Variants in UNC13C observed in about 807,000 individuals in gnomAD.
The protein encoded by UNC13C is protein unc-13 homolog C.
A neutral mutation model predicts 245.4 loss-of-function variants in UNC13C; 174 were observed. The observed-to-expected ratio is 0.71, with a 90% CI of 0.63 to 0.80. The LOEUF is 0.80. Among genes scored for constraint, UNC13C ranks in the 30% least tolerant of loss-of-function variants. UNC13C has a pLI of 0.00. For synonymous variants in UNC13C, 992 were observed against 895.1 expected, an observed-to-expected ratio of 1.11 and a Z score of -1.93; for missense variants, 2,829 against 2,602.9, an observed-to-expected ratio of 1.09 and a Z score of -1.89.
At chr15:54,595,599 G>A (rs979592068) in intron 30 of UNC13C, among the ~76,000 whole-genome samples, 1 of 152,160 alleles carries the variant, frequency 6.6e-6, no homozygotes, top group Admixed American at 6.5e-5. Context: ...TGATCCATAA[G>A]TAGATTCTTA....
At chr15:54,344,020 A>C (rs1350329350) in intron 17 of UNC13C, among the ~76,000 whole-genome samples, 2 of 152,228 alleles carry the variant, frequency 1.3e-5, no homozygotes, top group Non-Finnish European at 2.9e-5. Flanking sequence ...ATCATATATC[A>C]AAAATGAAAA....
At position 54,628,468 on chromosome 15, in the gene UNC13C, A is replaced by AAATC. The variant is rs542174377; in HGVS notation, c.*1357_*1360dup. On this transcript the variant is annotated 3_prime_UTR_variant, in exon 33 of 33. Transcript: ENST00000260323. ...CAGAACCATTCTGCAACTGAGTATGAAATCACAGACCAGTGAGGTGAGCTA... is the reference window on the plus strand; with the variant it reads ...CAGAACCATTCTGCAACTGAGTATGAAATCAATCACAGACCAGTGAGGTGAGCTA... 13 of 152,714 alleles carry AAATC rather than the reference A, an allele frequency of 8.5e-5. No homozygotes were observed. Among genetic ancestry groups the AAATC allele is most frequent in the African/African-American group, 2.9e-4 (12 of 41,574 alleles). 9.5% of individuals were successfully genotyped at this position (152,714 alleles called of 1,614,324 possible).
At chr15:54,008,062 G>T (rs1368253797) in intron 1 of UNC13C, among the ~76,000 whole-genome samples, 1 of 152,170 alleles carries the variant, frequency 6.6e-6, no homozygotes, top group African/African-American at 2.4e-5. Flanking sequence ...ATCTGAAAAT[G>T]CTTTAACTTA....
the UNC13C span, among the ~76,000 whole-genome samples, chr15:53,859,883 G>T: frequency 6.6e-6 from 1 of 152,088 alleles, no homozygotes; most frequent in Non-Finnish European, 1.5e-5. Flanking sequence ...AACGGTTTTG[G>T]ACTATGTGTT....
chr15:54,360,837 A>G (rs183056084), intron 17 of UNC13C, among the ~76,000 whole-genome samples: 6 of 152,204 alleles, frequency 3.9e-5, no homozygotes, highest in Non-Finnish European at 7.4e-5. Flanking sequence ...TGAAAGGTGT[A>G]TTGGGGCTGT....
chr15:54,164,487 TA>T (rs915297918), intron 4 of UNC13C, among the ~76,000 whole-genome samples: 18 of 152,056 alleles, frequency 1.2e-4, no homozygotes, highest in Non-Finnish European at 2.2e-4. Flanking sequence ...TATAAATAAG[TA>T]AAAAAATCTA....
chr15:53,984,703 C>T (rs1284192311), intron 1 of UNC13C, among the ~76,000 whole-genome samples: 1 of 152,012 alleles, frequency 6.6e-6, no homozygotes, highest in African/African-American at 2.4e-5. Flanking sequence ...TTGAAATGTA[C>T]ATGTTATTAG....
chr15:54,312,446 G>A (rs1475246626), intron 13 of UNC13C, among the ~76,000 whole-genome samples: 1 of 151,662 alleles, frequency 6.6e-6, no homozygotes, highest in Non-Finnish European at 1.5e-5. Context: ...GCTTCTATTG[G>A]TGAGTTTTCT....
intron 19 of UNC13C, 49 bp from the exon 20 acceptor site, chr15:54,494,559 A>G (rs750532959): frequency 2.0e-6 from 3 of 1,485,324 alleles, no homozygotes; most frequent in African/African-American, 1.4e-5. Flanking sequence ...ACATAGCAGC[A>G]TTGTTGGCAA....
At chr15:54,348,236 G>T (rs904562013) in intron 17 of UNC13C, among the ~76,000 whole-genome samples, 1 of 152,050 alleles carries the variant, frequency 6.6e-6, no homozygotes, top group Non-Finnish European at 1.5e-5. Flanking sequence ...ATTCGGTATG[G>T]TCTCTTAAAG....
At chr15:53,953,512 A>C in the UNC13C span, among the ~76,000 whole-genome samples, 1 of 152,222 alleles carries the variant, frequency 6.6e-6, no homozygotes, top group Non-Finnish European at 1.5e-5. Context: ...TTACAAGAGG[A>C]GCAAAATAGA....
At chr15:53,866,483 A>G in the UNC13C span, among the ~76,000 whole-genome samples, 1 of 152,222 alleles carries the variant, frequency 6.6e-6, no homozygotes, top group Non-Finnish European at 1.5e-5. Flanking sequence ...TACCAACTAT[A>G]CATTTATACC....
intron 19 of UNC13C, among the ~76,000 whole-genome samples, chr15:54,435,596 TA>T (rs1197064557): frequency 7.2e-6 from 1 of 138,708 alleles, no homozygotes; most frequent in Non-Finnish European, 1.6e-5. Flanking sequence ...GGTGGGGGAC[TA>T]GGGGAGGGGT....
chr15:54,569,162 AC>A (rs1348059237), intron 30 of UNC13C, among the ~76,000 whole-genome samples: 2 of 150,448 alleles, frequency 1.3e-5, no homozygotes, highest in African/African-American at 5.0e-5. Context: ...AGTATATAAA[AC>A]TTTTGCTTCA....
At chr15:54,511,632 T>C in intron 23 of UNC13C, 121 bp from the exon 24 acceptor site, 1 of 661,342 alleles carries the variant, frequency 1.5e-6, no homozygotes, top group Non-Finnish European at 2.6e-6. Context: ...GCAGAATTAG[T>C]ATATACATCT....
Position 54,468,946 on chromosome 15 carries a change from A to G in UNC13C, c.4934-25662A>G, listed in dbSNP as rs561349576. 4.6e-5 allele frequency among the ~76,000 whole-genome samples: 7 copies of G among 151,730 alleles called. No individual in the cohort carries two copies. The East Asian group carries it at 1.4e-3, about 29-fold the overall frequency. On this transcript the variant is annotated intron_variant, in intron 19 of 32. Coordinates refer to ENST00000260323, the MANE Select transcript of UNC13C (RefSeq NM_001080534.3). ...ACTTTTGTGATTCCTTACAAATTTT[A>G]GGATTGTTTTCTCTATTTCCGTGAA...
At chr15:54,296,573 A>G (rs2037441907) in intron 11 of UNC13C, among the ~76,000 whole-genome samples, 1 of 152,030 alleles carries the variant, frequency 6.6e-6, no homozygotes, top group Admixed American at 6.6e-5. Context: ...CAGTAGGAAA[A>G]TCGCTTATGA....
At chr15:54,589,222 T>A (rs923930770) in intron 30 of UNC13C, among the ~76,000 whole-genome samples, 1 of 151,776 alleles carries the variant, frequency 6.6e-6, no homozygotes, top group African/African-American at 2.4e-5. Context: ...TTGCATTTCG[T>A]TGATCATTAG....
intron 4 of UNC13C, among the ~76,000 whole-genome samples, chr15:54,229,933 A>G (rs1466064616): frequency 1.3e-5 from 2 of 151,694 alleles, no homozygotes; most frequent in Admixed American, 6.6e-5. Flanking sequence ...AGGTTCATCC[A>G]TTGTCACAAA....
Sources: gnomAD v4.1 joint callset for allele counts (sites outside exome capture counted in the v4.1 genomes callset) on GRCh38, gnomAD v4.1.1 for gene constraint, MANE v1.5 for transcripts, NCBI Gene and HGNC (gene_info 2026-07-23, HGNC 2026-07-21) for gene names.